HDAC10: variants seen among roughly 807,000 people sequenced by gnomAD.
HDAC10 encodes histone deacetylase 10, also known as polyamine deacetylase HDAC10.
HDAC10 carries 90 observed loss-of-function variants against 82.3 expected under a neutral mutation model. The ratio of observed to expected loss-of-function variants is 1.09; its 90% CI spans 0.92 to 1.30. HDAC10 has a LOEUF of 1.30. Among genes scored for constraint, HDAC10 ranks in the 50% most tolerant of loss-of-function variants. The pLI is 0.00. For synonymous variants in HDAC10, 456 were observed against 391.7 expected (o/e 1.16, Z -1.94); for missense variants, 934 against 876.3 (o/e 1.07, Z -0.83).
rs1386457065 is a variant in HDAC10 at position 50,245,840 on chromosome 22, C to T, written c.1834-13G>A. On this transcript the variant is annotated splice_polypyrimidine_tract_variant and intron_variant, in intron 18 of 19. Transcript: ENST00000216271. ...GGGGTGTGGAGTTCTGGACCAGGGG[C>T]GAAGACGGAAGCAGTCACTGGTCCT... is the stretch of plus-strand genomic sequence containing the variant. The T allele has an allele frequency of 5.8e-6, 9 of 1,560,708 alleles. No individual in the cohort carries two copies. The East Asian group carries it at 7.2e-5, about 13-fold the overall frequency.
chr22:50,248,566 C>A lies in HDAC10; in HGVS notation c.907-94G>T. The A allele has an allele frequency of 1.4e-6, 2 of 1,477,000 alleles. No homozygotes were observed. 91.5% of individuals were successfully genotyped at this position (1,477,000 alleles called of 1,614,324 possible). ...CTGCCTGGCTCTATCCCGGGCAGGA[C>A]GCCCCTCCCAAATACCCCGTGGGCA... is the stretch of plus-strand genomic sequence containing the variant. On this transcript the variant is annotated intron_variant, in intron 10 of 19. Transcript: ENST00000216271. This position sits in a 1 kb window ranked among gnomAD's most constrained non-coding sequence, Gnocchi z 5.4.
chr22:50,245,706 C>T lies in HDAC10; in HGVS notation c.1955G>A (p.Gly652Glu), dbSNP rs759607673. 26 of 1,613,098 alleles carry T rather than the reference C, an allele frequency of 1.6e-5. No individual in the cohort carries two copies. Among genetic ancestry groups the T allele is most frequent in the Non-Finnish European group, 2.0e-5 (24 of 1,179,964 alleles). ...EDVQALMYLR[G>E]QLEPQWKMLQ... ...CATCTTCCACTGAGGCTCCAGCTGC[C>T]CTCTCAGGTACATCAGGGCCTGGAC... Residue 652 changes from glycine (G) to glutamate (E), a missense_variant, in exon 19 of 20, where the codon GGG becomes GAG. Coordinates refer to ENST00000216271, the MANE Select transcript of HDAC10 (RefSeq NM_032019.6).
At position 50,251,039 on chromosome 22, in the gene HDAC10, G is replaced by A. The variant is rs781412158; in HGVS notation, c.-7C>T. 6 of 1,608,410 alleles carry A rather than the reference G, an allele frequency of 3.7e-6. No individual in the cohort carries two copies. The African/African-American group carries it at 5.3e-5, about 14-fold the overall frequency. On this transcript the variant is annotated 5_prime_UTR_variant, in exon 1 of 20. Coordinates refer to ENST00000216271, the MANE Select transcript of HDAC10 (RefSeq NM_032019.6). ...ACACAAGCGCGGTCCCCATGGCTGC[G>A]CCGTGGTCACCCTGGGTTCCCAAAC...
chr22:50,246,100 G>A lies in HDAC10; in HGVS notation c.1651-8C>T, dbSNP rs2064937013. The A allele has an allele frequency of 1.9e-6, 3 of 1,597,492 alleles. No individual in the cohort carries two copies. The highest frequency in any genetic ancestry group is 2.6e-6 in the Non-Finnish European group (3 of 1,169,848). Reference sequence around the variant, plus strand: ...CAGGAAACCACCGGTCATCTGTGGGGACAGCAGAGCCCAGCTCCTCATCTA... The same window carrying A: ...CAGGAAACCACCGGTCATCTGTGGGAACAGCAGAGCCCAGCTCCTCATCTA... On this transcript the variant is annotated splice_region_variant and splice_polypyrimidine_tract_variant and intron_variant, in intron 17 of 19. Coordinates refer to ENST00000216271, the MANE Select transcript of HDAC10 (RefSeq NM_032019.6).
At chr22:50,250,630 T>C in intron 2 of HDAC10, 107 bp from the exon 3 acceptor site, 1 of 1,327,588 alleles carries the variant, frequency 7.5e-7, no homozygotes, top group South Asian at 1.3e-5. Flanking sequence ...TGTCACTTCC[T>C]CAAGCCTGTG....
chr22:50,245,307 G>T lies in HDAC10; in HGVS notation c.*200C>A, dbSNP rs1225344132. On this transcript the variant is annotated 3_prime_UTR_variant, in exon 20 of 20. Coordinates refer to ENST00000216271, the MANE Select transcript of HDAC10 (RefSeq NM_032019.6). ...CGATGGGACGGGCCGGGGCGCGATG[G>T]GTGGGGCGGGGGCGAGGTGAGGTGA... is the stretch of plus-strand genomic sequence containing the variant. 5 of 620,734 alleles carry T rather than the reference G, an allele frequency of 8.1e-6. No homozygotes were observed. The highest frequency in any genetic ancestry group is 1.2e-5 in the Non-Finnish European group (4 of 345,410). The allele number at this position is 620,734 out of a possible 1,614,324, so 38.5% of individuals were successfully genotyped here.
At position 50,246,990 on chromosome 22, in the gene HDAC10, G is replaced by A. The variant is rs760498996; in HGVS notation, c.1423-24C>T. 3.3e-6 allele frequency: 5 copies of A among 1,511,140 alleles called. No individual in the cohort carries two copies. In the South Asian group the frequency reaches 3.6e-5, roughly 11 times the overall value. The allele number at this position is 1,511,140 out of a possible 1,614,324, so 93.6% of individuals were successfully genotyped here. A position where few individuals can be genotyped will look rare whatever the true frequency, so the allele number is the denominator to read the frequency against. On this transcript the variant is annotated intron_variant, in intron 14 of 19. Transcript: ENST00000216271. Reference sequence around the variant, plus strand: ...ACCTGTGGGATGAATAAACAGTGGAGAATGAGGCACCAACCAACTCCCAAG... The same window carrying A: ...ACCTGTGGGATGAATAAACAGTGGAAAATGAGGCACCAACCAACTCCCAAG...
At position 50,246,263 on chromosome 22, in the gene HDAC10, CA is replaced by C. The variant is rs757098490; in HGVS notation, c.1650+34del. ...CAGCTGTACACATCCATGGGCTCCC[CA>C]GCACCTGCCTTGCCGCGTGGCATGG... is the stretch of plus-strand genomic sequence containing the variant. On this transcript the variant is annotated intron_variant, in intron 17 of 19. Coordinates refer to ENST00000216271, the MANE Select transcript of HDAC10 (RefSeq NM_032019.6). The C allele has an allele frequency of 7.5e-6, 12 of 1,594,330 alleles. No individual in the cohort carries two copies. The South Asian group carries it at 1.2e-4, about 16-fold the overall frequency.
chr22:50,246,220 G>T lies in HDAC10; in HGVS notation c.1650+78C>A. 2.0e-6 allele frequency: 3 copies of T among 1,514,566 alleles called. No homozygotes were observed. The South Asian group carries it at 3.5e-5, about 18-fold the overall frequency. The allele number at this position is 1,514,566 out of a possible 1,614,324, so 93.8% of individuals were successfully genotyped here. A position where few individuals can be genotyped will look rare whatever the true frequency, so the allele number is the denominator to read the frequency against. On this transcript the variant is annotated intron_variant, in intron 17 of 19. Coordinates refer to ENST00000216271, the MANE Select transcript of HDAC10 (RefSeq NM_032019.6). ...GGAAGGACCAGAGGCCTGCTATCAT[G>T]ACAATGCCAGCAAACAGCAGCTGTA...
chr22:50,247,812 G>C (rs2064992347), intron 13 of HDAC10, 36 bp from the exon 14 acceptor site: 1 of 1,612,518 alleles, frequency 6.2e-7, no homozygotes, highest in Non-Finnish European at 8.5e-7. Flanking sequence ...CACAGACACG[G>C]AGTGACCGCA....
Position 50,251,078 on chromosome 22 carries a change from G to T in HDAC10, c.-46C>A. On this transcript the variant is annotated 5_prime_UTR_variant, in exon 1 of 20. Transcript: ENST00000216271. ...GGGTTCCCAAACGCCCTCGCTAGTG[G>T]TGCCTGCCACTGCCTGTCCCCACCT... 6.4e-7 allele frequency: 1 copy of T among 1,569,206 alleles called. No individual in the cohort carries two copies. Among genetic ancestry groups the T allele is most frequent in the Non-Finnish European group, 8.7e-7 (1 of 1,151,256 alleles).
rs35820251 is a variant in HDAC10, at chr22:50,248,401, G to A, written c.978C>T (p.Ala326=). The A allele has an allele frequency of 0.023, 37,799 of 1,609,442 alleles. 735 individuals carry two copies. Among genetic ancestry groups the A allele is most frequent in the East Asian group, 0.095 (4,259 of 44,886 alleles). ...GCGCCATTGGCCCTGACAGGGGTGG[G>A]GCCGGGTCACCCAGCAGCGTCTGTA... is the stretch of plus-strand genomic sequence containing the variant. ...MTVQTLLGDP[A]PPLSGPMAPC... is the part of the protein sequence containing the mutation. The change falls in exon 11 of 20, where the codon GCC becomes GCT. Residue 326 remains alanine (A), a synonymous_variant. Transcript: ENST00000216271. The surrounding 1 kb of genome is among the most constrained non-coding windows in gnomAD (Gnocchi z 5.4).
chr22:50,247,838 G>C (rs926147719), intron 13 of HDAC10, 52 bp downstream of exon 13: 2 of 1,612,546 alleles, frequency 1.2e-6, no homozygotes, highest in African/African-American at 2.7e-5. Flanking sequence ...GGCACACACA[G>C]GCACAGGTGT....
Position 50,249,439 on chromosome 22 carries a change from G to A in HDAC10, c.579C>T (p.Ser193=). 6.2e-7 allele frequency: 1 copy of A among 1,612,692 alleles called. No individual in the cohort carries two copies. Among genetic ancestry groups the A allele is most frequent in the Non-Finnish European group, 8.5e-7 (1 of 1,179,932 alleles). The change falls in exon 7 of 20, where the codon TCC becomes TCT. Residue 193 remains serine (S), a synonymous_variant. Coordinates refer to ENST00000216271, the MANE Select transcript of HDAC10 (RefSeq NM_032019.6). This position sits in a 1 kb window ranked among gnomAD's most constrained non-coding sequence, Gnocchi z 4.4. ...AGCGCCCATGCTCATAGCGGTGCCA[G>A]GAGAAGTAAAGGACGCTGCCAACAG... The part of the protein sequence containing the change: ...FEDDPSVLYF[S]WHRYEHGRFW...
rs770039373 is a variant in HDAC10 at position 50,246,922 on chromosome 22, G to A, written c.1467C>T (p.Ala489=). Residue 489 remains alanine, a synonymous_variant, in exon 15 of 20, where the codon GCC becomes GCT. Transcript: ENST00000216271. ...CTCTCCGAACAGCCACATCCAGGGT[G>A]GCTGCTGCAGCAGAGGCTGGAGTGG... ...IAATPASAAA[A]TLDVAVRRGL... is the part of the protein sequence containing the mutation. 1.2e-6 allele frequency: 2 copies of A among 1,612,164 alleles called. No homozygotes were observed. The highest frequency in any genetic ancestry group is 2.2e-5 in the East Asian group (1 of 44,866).
At position 50,248,175 on chromosome 22, in the gene HDAC10, C is replaced by G; in HGVS notation, c.1082-30G>C. 3 of 1,597,120 alleles carry G rather than the reference C, an allele frequency of 1.9e-6. No homozygotes were observed. Among genetic ancestry groups the G allele is most frequent in the Non-Finnish European group, 2.6e-6 (3 of 1,172,162 alleles). Reference sequence around the variant, plus strand: ...GGACAGTTCGGAGTCATAGCCACTGCACAGGAGCCCGAGGTGGGATCCTGC... The same window carrying G: ...GGACAGTTCGGAGTCATAGCCACTGGACAGGAGCCCGAGGTGGGATCCTGC... On this transcript the variant is annotated intron_variant, in intron 12 of 19. Coordinates refer to ENST00000216271, the MANE Select transcript of HDAC10 (RefSeq NM_032019.6). This position sits in a 1 kb window ranked among gnomAD's most constrained non-coding sequence, Gnocchi z 5.4.
At position 50,245,314 on chromosome 22, in the gene HDAC10, C is replaced by T. The variant is rs1373486278; in HGVS notation, c.*193G>A. Reference sequence around the variant, plus strand: ...ACGGGCCGGGGCGCGATGGGTGGGGCGGGGGCGAGGTGAGGTGAGGGGTGG... The same window carrying T: ...ACGGGCCGGGGCGCGATGGGTGGGGTGGGGGCGAGGTGAGGTGAGGGGTGG... On this transcript the variant is annotated 3_prime_UTR_variant, in exon 20 of 20. Coordinates refer to ENST00000216271, the MANE Select transcript of HDAC10 (RefSeq NM_032019.6). 1 of 517,754 alleles carries T rather than the reference C, an allele frequency of 1.9e-6. No individual in the cohort carries two copies. The highest frequency in any genetic ancestry group is 3.3e-6 in the Non-Finnish European group (1 of 300,200). 32.1% of individuals were successfully genotyped at this position (517,754 alleles called of 1,614,324 possible). A position where few individuals can be genotyped will look rare whatever the true frequency, so the allele number is the denominator to read the frequency against.
rs2064916329 is a variant in HDAC10, at chr22:50,245,470, C to T, written c.*37G>A. The T allele has an allele frequency of 2.6e-6, 2 of 779,416 alleles. No individual in the cohort carries two copies. The highest frequency in any genetic ancestry group is 4.7e-6 in the Non-Finnish European group (2 of 428,084). 48.3% of individuals were successfully genotyped at this position (779,416 alleles called of 1,614,324 possible). A position where few individuals can be genotyped will look rare whatever the true frequency, so the allele number is the denominator to read the frequency against. ...GCCGCGGGGCGCTGGCGTGCGGTGTCATTTCTGCGGTGTAAATGCTCCCAC... is the reference window on the plus strand; with the variant it reads ...GCCGCGGGGCGCTGGCGTGCGGTGTTATTTCTGCGGTGTAAATGCTCCCAC... On this transcript the variant is annotated 3_prime_UTR_variant, in exon 20 of 20. Coordinates refer to ENST00000216271, the MANE Select transcript of HDAC10 (RefSeq NM_032019.6).
intron 3 of HDAC10, 118 bp downstream of exon 3, chr22:50,250,309 G>T: frequency 5.7e-6 from 7 of 1,225,162 alleles, no homozygotes; most frequent in African/African-American, 1.5e-5. Context: ...CAGGTGTGCA[G>T]GGCAATGTCA....
Sources: gnomAD v4.1 joint callset for allele counts on GRCh38, gnomAD v4.1.1 for gene constraint, Gnocchi (gnomAD v3.1) non-coding constraint, MANE v1.5 for transcripts, NCBI Gene and HGNC (gene_info 2026-07-23, HGNC 2026-07-21) for gene names.